JADE2: variants seen among roughly 807,000 people sequenced by gnomAD.
The protein encoded by JADE2 is jade family PHD finger 2.
In JADE2, 13 loss-of-function variants were observed where a neutral mutation model predicts 85.7. The ratio of observed to expected loss-of-function variants is 0.15; its 90% CI spans 0.10 to 0.24. The LOEUF is 0.24. Ranked by LOEUF, JADE2 falls within the 10% of genes least tolerant of loss-of-function variation. The pLI, the probability that JADE2 is intolerant of heterozygous loss-of-function variation, is 1.00. For synonymous variants in JADE2, 440 were observed against 456.1 expected (o/e 0.96, Z 0.45); for missense variants, 846 against 1,115.9 (o/e 0.76, Z 3.45).
intron 1 of JADE2, chr5:134,526,840 T>G (rs1760860689): frequency 2.4e-6 from 2 of 834,456 alleles, no homozygotes; most frequent in African/African-American, 1.8e-5. Flanking sequence ...GGCCGCGCGG[T>G]AGTCCAGCTG....
chr5:134,563,411 G>C (rs1763449000), intron 7 of JADE2, among the ~76,000 whole-genome samples: 1 of 152,184 alleles, frequency 6.6e-6, no homozygotes, highest in African/African-American at 2.4e-5. Context: ...GGGTGGGTGT[G>C]TTTCTGAGTC....
intron 3 of JADE2, among the ~76,000 whole-genome samples, chr5:134,546,005 G>A (rs768790109): frequency 1.3e-5 from 2 of 152,156 alleles, no homozygotes; most frequent in African/African-American, 2.4e-5. Context: ...CAGTTTCTCA[G>A]TTTCACCTGG....
rs1160758941 is a variant in JADE2 at position 134,531,883 on chromosome 5, C to CTTTT, written c.1-3948_1-3945dup. Among the ~76,000 whole-genome samples the CTTTT allele has an allele frequency of 3.7e-3, 141 of 38,480 alleles. 37 individuals are homozygous for CTTTT. Among genetic ancestry groups the CTTTT allele is most frequent in the African/African-American group, 7.1e-3 (69 of 9,748 alleles). 25.2% of individuals were successfully genotyped at this position (38,480 alleles called of 152,430 possible). ...TATAAGGATGAGCCACCGTGCCTGG[C>CTTTT]TTTTTTTTTTTTTTTTTTTTTTTTT... is the stretch of plus-strand genomic sequence containing the variant. On this transcript the variant is annotated intron_variant, in intron 1 of 11. Coordinates refer to ENST00000681547, the MANE Select transcript of JADE2 (RefSeq NM_001388185.1).
intron 1 of JADE2, among the ~76,000 whole-genome samples, chr5:134,532,150 G>A (rs1407662876): frequency 6.6e-6 from 1 of 151,680 alleles, no homozygotes; most frequent in African/African-American, 2.4e-5. Flanking sequence ...CTCCATAAGT[G>A]CTGGGATTAC....
At position 134,578,849 on chromosome 5, in the gene JADE2, T is replaced by C. The variant is rs937468811; in HGVS notation, c.2037T>C (p.Ser679=). 4 of 1,613,534 alleles carry C rather than the reference T, an allele frequency of 2.5e-6. No homozygotes were observed. Among genetic ancestry groups the C allele is most frequent in the Non-Finnish European group, 2.5e-6 (3 of 1,179,990 alleles). The change falls in exon 12 of 12, where the codon AGT becomes AGC. Residue 679 remains serine (S), a synonymous_variant. Coordinates refer to ENST00000681547, the MANE Select transcript of JADE2 (RefSeq NM_001388185.1). This position sits in a 1 kb window ranked among gnomAD's most constrained non-coding sequence, Gnocchi z 4.4. ...PKKTWGQDAG[S]GKGGQGPPTR... is the part of the protein sequence containing the mutation. Reference sequence around the variant, plus strand: ...AGACCTGGGGCCAGGATGCAGGCAGTGGCAAGGGGGGTCAAGGGCCACCTA... The same window carrying C: ...AGACCTGGGGCCAGGATGCAGGCAGCGGCAAGGGGGGTCAAGGGCCACCTA...
Position 134,579,402 on chromosome 5 carries a change from TGA to T in JADE2, c.*87_*88del. 1 of 1,119,152 alleles carries T rather than the reference TGA, an allele frequency of 8.9e-7. No homozygotes were observed. The highest frequency in any genetic ancestry group is 1.6e-5 in the South Asian group (1 of 63,942). 69.3% of individuals were successfully genotyped at this position (1,119,152 alleles called of 1,614,324 possible). A position where few individuals can be genotyped will look rare whatever the true frequency, so the allele number is the denominator to read the frequency against. On this transcript the variant is annotated 3_prime_UTR_variant, in exon 12 of 12. Coordinates refer to ENST00000681547, the MANE Select transcript of JADE2 (RefSeq NM_001388185.1). The surrounding 1 kb of genome is among the most constrained non-coding windows in gnomAD (Gnocchi z 4.6). ...CACAACTGCCATTTCCAGTCTCTGCTGAGTGTCCCAGACCCTCGAGGCTGCCA... is the reference window on the plus strand; with the variant it reads ...CACAACTGCCATTTCCAGTCTCTGCTGTGTCCCAGACCCTCGAGGCTGCCA...
At position 134,562,722 on chromosome 5, in the gene JADE2, C is replaced by T. The variant is rs329305; in HGVS notation, c.852+355C>T. Among the ~76,000 whole-genome samples the T allele has an allele frequency of 0.4, 61,270 of 151,876 alleles. 13,194 individuals are homozygous for T. The highest frequency in any genetic ancestry group is 0.47 in the Non-Finnish European group (32,026 of 67,898). The stretch of plus-strand genomic sequence containing the variant: ...GAGGTTGCAGTGAACCGAGATCGCA[C>T]CACTGCACTCCAGCCTGGGTGACAG... On this transcript the variant is annotated intron_variant, in intron 7 of 11. Coordinates refer to ENST00000681547, the MANE Select transcript of JADE2 (RefSeq NM_001388185.1). This position sits in a 1 kb window ranked among gnomAD's most constrained non-coding sequence, Gnocchi z 4.6.
At chr5:134,559,520 G>A (rs1446797103) in intron 4 of JADE2, among the ~76,000 whole-genome samples, 3 of 152,244 alleles carry the variant, frequency 2.0e-5, no homozygotes, top group African/African-American at 7.2e-5. Context: ...AGTGGGATGA[G>A]CTCTGGGCAG....
rs139006915 is a variant in JADE2 at position 134,574,175 on chromosome 5, A to G, written c.1552+413A>G. 441 of 294,978 alleles carry G rather than the reference A, an allele frequency of 1.5e-3. 2 individuals are homozygous for G. In the Middle Eastern group the frequency reaches 0.024, roughly 16 times the overall value. 18.3% of individuals were successfully genotyped at this position (294,978 alleles called of 1,614,324 possible). On this transcript the variant is annotated intron_variant, in intron 10 of 11. Transcript: ENST00000681547. ...CCTGGGAGTCAGTTCCGAAGAAGGC[A>G]GCTGTCCCAGAGATGTGACAGGACC...
intron 3 of JADE2, among the ~76,000 whole-genome samples, chr5:134,542,291 A>G (rs1762007716): frequency 6.6e-6 from 1 of 152,246 alleles, no homozygotes; most frequent in Admixed American, 6.5e-5. Context: ...TAAATGGTGT[A>G]GCCATTGTTA....
rs1428344739 is a variant in JADE2 at position 134,580,195 on chromosome 5, C to G, written c.*878C>G. ...TCCTTCCTTCGGGGCCAGTCTCGGCCGAAGTCTGGTCACGCTCAGACAGAG... is the reference window on the plus strand; with the variant it reads ...TCCTTCCTTCGGGGCCAGTCTCGGCGGAAGTCTGGTCACGCTCAGACAGAG... On this transcript the variant is annotated 3_prime_UTR_variant, in exon 12 of 12. Transcript: ENST00000681547. The G allele has an allele frequency of 6.5e-6, 1 of 152,718 alleles. No homozygotes were observed. Among genetic ancestry groups the G allele is most frequent in the African/African-American group, 2.4e-5 (1 of 41,444 alleles). 9.5% of individuals were successfully genotyped at this position (152,718 alleles called of 1,614,324 possible). A position where few individuals can be genotyped will look rare whatever the true frequency, so the allele number is the denominator to read the frequency against.
intron 3 of JADE2, among the ~76,000 whole-genome samples, chr5:134,542,248 T>C (rs1206948313): frequency 6.6e-6 from 1 of 152,224 alleles, no homozygotes; most frequent in Non-Finnish European, 1.5e-5. Context: ...TATAATAATT[T>C]ACACAATGAG....
Position 134,557,338 on chromosome 5 carries a change from A to T in JADE2, c.312-2492A>T, listed in dbSNP as rs553287845. Among the ~76,000 whole-genome samples, 4 of 143,058 alleles carry T rather than the reference A, an allele frequency of 2.8e-5. No individual in the cohort carries two copies. The East Asian group carries it at 6.2e-4, about 22-fold the overall frequency. 93.9% of individuals were successfully genotyped at this position (143,058 alleles called of 152,430 possible). On this transcript the variant is annotated intron_variant, in intron 4 of 11. Transcript: ENST00000681547. The stretch of plus-strand genomic sequence containing the variant: ...TTATTAGATTATGTTGCCTATGTTT[A>T]AAAGTGTTCAAATTCAGTCTTTTAC...
chr5:134,533,676 G>A (rs1470599556), intron 1 of JADE2: 1 of 516,350 alleles, frequency 1.9e-6, no homozygotes, highest in Non-Finnish European at 2.5e-6. Context: ...CTGAGCTGAG[G>A]AAGACGTAGG....
At chr5:134,567,234 A>G (rs1763697771) in intron 9 of JADE2, among the ~76,000 whole-genome samples, 1 of 152,132 alleles carries the variant, frequency 6.6e-6, no homozygotes, top group African/African-American at 2.4e-5. Context: ...GGTGGATCAC[A>G]GTGTGTCTGG....
chr5:134,579,222 G>A lies in JADE2; in HGVS notation c.2410G>A (p.Asp804Asn), dbSNP rs1338556898. The A allele has an allele frequency of 1.3e-5, 21 of 1,614,030 alleles. No individual in the cohort carries two copies. Among genetic ancestry groups the A allele is most frequent in the Non-Finnish European group, 1.5e-5 (18 of 1,180,050 alleles). The change falls in exon 12 of 12, where the codon GAC (aspartate) becomes AAC (asparagine). Residue 804 changes from aspartate (D) to asparagine (N), a missense_variant. This residue lies in a region of JADE2 where 300 missense variants were observed against 300.7 expected (regional missense o/e 1.00). Coordinates refer to ENST00000681547, the MANE Select transcript of JADE2 (RefSeq NM_001388185.1). The surrounding 1 kb of genome is among the most constrained non-coding windows in gnomAD (Gnocchi z 4.6). ...CTACTTCTCTGATGGGGAGATGAGC[G>A]ACTCAGATGTAGAGGCCGAGGACGG... ...DGYFSDGEMS[D>N]SDVEAEDGGV...
At chr5:134,538,141 G>T in intron 3 of JADE2, 58 bp downstream of exon 3, 1 of 1,367,198 alleles carries the variant, frequency 7.3e-7, no homozygotes, top group South Asian at 1.2e-5. Flanking sequence ...CTGCCCTGCG[G>T]AGACTGGGGC....
intron 4 of JADE2, among the ~76,000 whole-genome samples, chr5:134,554,447 T>C (rs1441526361): frequency 6.6e-6 from 1 of 152,144 alleles, no homozygotes; most frequent in East Asian, 1.9e-4. Flanking sequence ...GTCTGTCCTC[T>C]CTACTTGATG....
chr5:134,538,680 T>C (rs1415843792), intron 3 of JADE2, among the ~76,000 whole-genome samples: 3 of 152,162 alleles, frequency 2.0e-5, no homozygotes, highest in Non-Finnish European at 4.4e-5. Context: ...CCTGGACACC[T>C]GGACCCTCCT....
Sources: gnomAD v4.1 joint callset for allele counts (sites outside exome capture counted in the v4.1 genomes callset) on GRCh38, gnomAD v4.1.1 for gene constraint, gnomAD v4.1.1 regional missense constraint, Gnocchi (gnomAD v3.1) non-coding constraint, MANE v1.5 for transcripts, NCBI Gene and HGNC (gene_info 2026-07-23, HGNC 2026-07-21) for gene names.